Variants in RNF220 observed in about 807,000 individuals in gnomAD.
The protein encoded by RNF220 is ring finger protein 220, also known as E3 ubiquitin-protein ligase RNF220.
In RNF220, 7 loss-of-function variants were observed where a neutral mutation model predicts 67.1. That is an observed-to-expected ratio of 0.10 (90% confidence interval 0.06 to 0.20). The LOEUF (loss-of-function observed/expected upper bound fraction) is 0.20, where lower values mean the gene tolerates loss of function less well. RNF220 is among the 10% of genes least tolerant of loss of function. The probability of loss-of-function intolerance (pLI) is 1.00; values close to 1 mark genes in which losing one functional copy is unlikely to be tolerated. For synonymous variants in RNF220, 270 were observed against 283.2 expected (o/e 0.95, Z 0.47); for missense variants, 565 against 740.3 (o/e 0.76, Z 2.75).
At chr1:44,530,734 G>A (rs1660774868) in intron 2 of RNF220, among the ~76,000 whole-genome samples, 1 of 152,070 alleles carries the variant, frequency 6.6e-6, no homozygotes, top group Non-Finnish European at 1.5e-5. Flanking sequence ...TGGGAGTCTA[G>A]GTGGGCAGAT....
intron 2 of RNF220, among the ~76,000 whole-genome samples, chr1:44,496,154 G>C (rs548269306): frequency 6.6e-6 from 1 of 152,300 alleles, no homozygotes; most frequent in African/African-American, 2.4e-5. Context: ...CCAGGTGATG[G>C]GGTGGACAGG....
intron 2 of RNF220, among the ~76,000 whole-genome samples, chr1:44,597,114 G>C (rs1006872731): frequency 1.3e-5 from 2 of 152,176 alleles, no homozygotes; most frequent in African/African-American, 4.8e-5. Context: ...AGTGCATCCA[G>C]CTCCAAATTC....
At chr1:44,577,371 C>T (rs564786913) in intron 2 of RNF220, among the ~76,000 whole-genome samples, 54 of 148,574 alleles carry the variant, frequency 3.6e-4, no homozygotes, top group African/African-American at 1.3e-3. Flanking sequence ...CCAGCTTCTC[C>T]CTTCTCCCCA....
intron 2 of RNF220, among the ~76,000 whole-genome samples, chr1:44,451,892 T>C (rs1327087629): frequency 6.6e-6 from 1 of 152,254 alleles, no homozygotes; most frequent in South Asian, 2.1e-4. Flanking sequence ...GTGCTGGGAT[T>C]ACAGGCGTGA....
intron 2 of RNF220, among the ~76,000 whole-genome samples, chr1:44,431,441 G>A (rs1650358752): frequency 1.3e-5 from 2 of 148,510 alleles, no homozygotes; most frequent in South Asian, 2.1e-4. Flanking sequence ...GCAGTGAGCC[G>A]AGATCATGCC....
chr1:44,598,584 T>C (rs1666703483), intron 2 of RNF220, among the ~76,000 whole-genome samples: 1 of 152,112 alleles, frequency 6.6e-6, no homozygotes, highest in Non-Finnish European at 1.5e-5. Context: ...GGGTGGGGCT[T>C]GGGCCCACAG....
intron 2 of RNF220, among the ~76,000 whole-genome samples, chr1:44,535,703 C>T (rs556520611): frequency 1.2e-4 from 19 of 152,304 alleles, no homozygotes; most frequent in South Asian, 1.0e-3. Context: ...GGGACTGACC[C>T]GCCATCCTTC....
intron 2 of RNF220, among the ~76,000 whole-genome samples, chr1:44,602,001 G>A (rs551980484): frequency 8.3e-4 from 127 of 152,258 alleles, no homozygotes; most frequent in Non-Finnish European, 1.6e-3. Context: ...TAGCATCCAT[G>A]AGTGCGTGGT....
chr1:44,443,192 C>A lies in RNF220; in HGVS notation c.625+30470C>A, dbSNP rs369587262. On this transcript the variant is annotated intron_variant, in intron 2 of 14. Coordinates refer to ENST00000361799, the MANE Select transcript of RNF220 (RefSeq NM_018150.4). ...ACTGAATACTCAGCAGGACCAAAAC[C>A]AGATTTACCATCTTCTCCCACTAAA... 4.6e-5 allele frequency among the ~76,000 whole-genome samples: 7 copies of A among 152,214 alleles called. No individual in the cohort carries two copies. In the East Asian group the frequency reaches 7.7e-4, roughly 17 times the overall value.
intron 2 of RNF220, among the ~76,000 whole-genome samples, chr1:44,533,460 C>A (rs544776085): frequency 6.6e-6 from 1 of 152,268 alleles, no homozygotes; most frequent in African/African-American, 2.4e-5. Flanking sequence ...GAACTCCAGC[C>A]TGGGCAACAG....
Position 44,632,334 on chromosome 1 carries a change from T to G in RNF220, c.907-9T>G. Reference sequence around the variant, plus strand: ...TCTTTTCTTGCATCTGCCCGCGATCTTCTCCCAGACCTTTCTGCGAGTACG... The same window carrying G: ...TCTTTTCTTGCATCTGCCCGCGATCGTCTCCCAGACCTTTCTGCGAGTACG... On this transcript the variant is annotated splice_polypyrimidine_tract_variant and intron_variant, in intron 5 of 14. Coordinates refer to ENST00000361799, the MANE Select transcript of RNF220 (RefSeq NM_018150.4). 1 of 1,614,118 alleles carries G rather than the reference T, an allele frequency of 6.2e-7. No homozygotes were observed. The highest frequency in any genetic ancestry group is 8.5e-7 in the Non-Finnish European group (1 of 1,180,002).
chr1:44,534,042 C>G (rs147160269), intron 2 of RNF220, among the ~76,000 whole-genome samples: 107 of 152,272 alleles, frequency 7.0e-4, no homozygotes, highest in African/African-American at 2.5e-3. Flanking sequence ...GTGGCACAAT[C>G]TCAACTTACT....
At chr1:44,601,446 G>A (rs1025226604) in intron 2 of RNF220, among the ~76,000 whole-genome samples, 7 of 152,278 alleles carry the variant, frequency 4.6e-5, no homozygotes, top group Middle Eastern at 3.4e-3. Context: ...TGCTGATGGA[G>A]GAAAGCATGA....
upstream of RNF220, among the ~76,000 whole-genome samples, chr1:44,404,823 T>C (rs1647216330): frequency 6.6e-6 from 1 of 152,044 alleles, no homozygotes; most frequent in Non-Finnish European, 1.5e-5. Context: ...GCAGGTAAGA[T>C]TTTTCTGGGA....
chr1:44,514,632 G>A (rs962724646), intron 2 of RNF220, among the ~76,000 whole-genome samples: 5 of 152,164 alleles, frequency 3.3e-5, no homozygotes, highest in African/African-American at 1.2e-4. Context: ...GGATTTAGGT[G>A]TTCTCTATGG....
chr1:44,615,990 GC>G (rs1435655880), intron 3 of RNF220, among the ~76,000 whole-genome samples: 3 of 152,338 alleles, frequency 2.0e-5, no homozygotes, highest in Non-Finnish European at 4.4e-5. Context: ...GACTGGGACT[GC>G]AGGATCTGCT....
At position 44,600,372 on chromosome 1, in the gene RNF220, A is replaced by G. The variant is rs974011377; in HGVS notation, c.626-13793A>G. 1.3e-5 allele frequency among the ~76,000 whole-genome samples: 2 copies of G among 152,184 alleles called. No individual in the cohort carries two copies. The highest frequency in any genetic ancestry group is 2.4e-5 in the African/African-American group (1 of 41,458). On this transcript the variant is annotated intron_variant, in intron 2 of 14. Coordinates refer to ENST00000361799, the MANE Select transcript of RNF220 (RefSeq NM_018150.4). The surrounding 1 kb of genome is among the most constrained non-coding windows in gnomAD (Gnocchi z 4.0). ...GGAGAAGTGAATGATGACAAGGGCA[A>G]TAGCTAACATCAGAGGCAGCAGAAT... is the stretch of plus-strand genomic sequence containing the variant.
intron 3 of RNF220, among the ~76,000 whole-genome samples, chr1:44,617,262 C>A (rs1199595324): frequency 6.6e-6 from 1 of 152,114 alleles, no homozygotes; most frequent in African/African-American, 2.4e-5. Flanking sequence ...TCTGTCTCGG[C>A]CCCGCCGCGC....
At chr1:44,556,460 G>A (rs1200285704) in intron 2 of RNF220, among the ~76,000 whole-genome samples, 2 of 150,694 alleles carry the variant, frequency 1.3e-5, no homozygotes, top group African/African-American at 5.0e-5. Flanking sequence ...TCTACCTGCT[G>A]TCCTCTGGTA....
Sources: gnomAD v4.1 joint callset for allele counts (sites outside exome capture counted in the v4.1 genomes callset) on GRCh38, gnomAD v4.1.1 for gene constraint, Gnocchi (gnomAD v3.1) non-coding constraint, MANE v1.5 for transcripts, NCBI Gene and HGNC (gene_info 2026-07-23, HGNC 2026-07-21) for gene names.